The following CIB1 variants were observed in gnomAD, a reference collection of about 807,000 sequenced individuals.
CIB1 encodes calcium and integrin-binding protein 1.
CIB1 carries 19 observed loss-of-function variants against 25.0 expected under a neutral mutation model. That is an observed-to-expected ratio of 0.76 (90% CI 0.53 to 1.12). The LOEUF is 1.12. Among genes scored for constraint, CIB1 ranks in the 50% most tolerant of loss-of-function variants. CIB1 has a pLI of 0.00. For synonymous variants in CIB1, 104 were observed against 98.5 expected (o/e 1.06, Z -0.33); for missense variants, 236 against 242.6 (o/e 0.97, Z 0.18).
At chr15:90,256,587 T>C in the CIB1 span, among the ~76,000 whole-genome samples, 668 of 35,370 alleles carry the variant, frequency 0.019, 13 homozygotes, top group East Asian at 0.061. Flanking sequence ...CTTTCTTTCT[T>C]TCTTTCTTTC....
At chr15:90,247,771 T>C in the CIB1 span, among the ~76,000 whole-genome samples, 1 of 151,128 alleles carries the variant, frequency 6.6e-6, no homozygotes, top group East Asian at 1.9e-4. Context: ...AGACTCCCTC[T>C]GTCGCCCAGG....
upstream of CIB1, chr15:90,236,078 G>T (rs1364064926): frequency 6.6e-6 from 1 of 152,014 alleles, no homozygotes; most frequent in Non-Finnish European, 1.5e-5. Context: ...CACTCCTGTT[G>T]CCCAGGCTGG....
chr15:90,256,916 G>A, the CIB1 span, among the ~76,000 whole-genome samples: 1 of 152,006 alleles, frequency 6.6e-6, no homozygotes, highest in Non-Finnish European at 1.5e-5. Context: ...TTGAACTCCT[G>A]AACTCGTGAT....
At chr15:90,240,040 A>T in the CIB1 span, among the ~76,000 whole-genome samples, 16 of 151,414 alleles carry the variant, frequency 1.1e-4, no homozygotes, top group African/African-American at 3.9e-4. Context: ...CCAGACCAAC[A>T]TGGTGAAACC....
the CIB1 span, among the ~76,000 whole-genome samples, chr15:90,264,473 T>C: frequency 3.5e-4 from 54 of 152,158 alleles, no homozygotes; most frequent in Non-Finnish European, 6.2e-4. Context: ...ACCAGGCCTA[T>C]TTAATCCTTT....
At chr15:90,262,305 T>C in the CIB1 span, 2 of 1,242,410 alleles carry the variant, frequency 1.6e-6, no homozygotes, top group East Asian at 2.6e-5. Flanking sequence ...AATGGAGCTA[T>C]AAATCCTATC....
chr15:90,259,528 T>C, the CIB1 span, among the ~76,000 whole-genome samples: 2 of 152,228 alleles, frequency 1.3e-5, no homozygotes, highest in Non-Finnish European at 2.9e-5. Flanking sequence ...CATATGTATA[T>C]AGTACGCATT....
At chr15:90,239,675 A>G in the CIB1 span, among the ~76,000 whole-genome samples, 13 of 152,316 alleles carry the variant, frequency 8.5e-5, no homozygotes, top group African/African-American at 3.1e-4. Context: ...ACAAGATGAA[A>G]TTTGGGTGGA....
the CIB1 span, chr15:90,258,613 C>T: frequency 2.6e-6 from 2 of 782,598 alleles, no homozygotes; most frequent in South Asian, 1.7e-5. Context: ...CCTTGGAAGC[C>T]AGAGCATCCA....
the CIB1 span, among the ~76,000 whole-genome samples, chr15:90,264,559 A>AAAAGACATACCAT: frequency 1.3e-5 from 2 of 152,210 alleles, no homozygotes; most frequent in Non-Finnish European, 2.9e-5. Flanking sequence ...AACATGGACA[A>AAAAGACATACCAT]AAAGACATAC....
chr15:90,242,253 C>CTT, the CIB1 span: 10 of 89,300 alleles, frequency 1.1e-4, no homozygotes, highest in African/African-American at 1.4e-4. Flanking sequence ...ACACACCTGG[C>CTT]TTTTTTTTTT....
the CIB1 span, among the ~76,000 whole-genome samples, chr15:90,253,931 G>C: frequency 1.3e-5 from 2 of 152,244 alleles, no homozygotes; most frequent in African/African-American, 4.8e-5. Flanking sequence ...AGCCAGGCAG[G>C]AAGTTGAGGA....
the CIB1 span, chr15:90,241,783 C>T: frequency 8.1e-6 from 13 of 1,614,232 alleles, no homozygotes; most frequent in Non-Finnish European, 1.1e-5. Flanking sequence ...TTGTTTGTCA[C>T]CCGGGGAGCT....
the CIB1 span, chr15:90,256,252 G>A: frequency 1.5e-5 from 24 of 1,614,102 alleles, no homozygotes; most frequent in Non-Finnish European, 1.9e-5. Flanking sequence ...ATCCCCGGGA[G>A]ATCAAGCCAG....
the CIB1 span, chr15:90,265,587 C>T: frequency 1.4e-6 from 2 of 1,410,714 alleles, no homozygotes; most frequent in South Asian, 1.3e-5. Context: ...ATCTTACCCC[C>T]ACCAAGTGAA....
the CIB1 span, among the ~76,000 whole-genome samples, chr15:90,256,581 C>T: frequency 2.8e-5 from 1 of 35,696 alleles, no homozygotes; most frequent in African/African-American, 1.1e-4. Flanking sequence ...TTCTTTCTTT[C>T]TTTCTTTCTT....
chr15:90,240,851 C>A, the CIB1 span: 1 of 1,121,076 alleles, frequency 8.9e-7, no homozygotes, highest in Non-Finnish European at 1.3e-6. Context: ...ATGACAATCT[C>A]TGGAGGTGGG....
chr15:90,259,779 A>G, the CIB1 span, among the ~76,000 whole-genome samples: 1 of 152,248 alleles, frequency 6.6e-6, no homozygotes, highest in Non-Finnish European at 1.5e-5. Flanking sequence ...ATTCAATAAT[A>G]GAGAATCGTT....
chr15:90,262,724 T>C, the CIB1 span: 1 of 1,410,496 alleles, frequency 7.1e-7, no homozygotes, highest in East Asian at 2.5e-5. Context: ...TTGGGACAAC[T>C]AGATAGGGGA....
Sources: allele counts gnomAD v4.1 joint callset (sites outside exome capture counted in the v4.1 genomes callset), GRCh38; gene constraint gnomAD v4.1.1; transcripts MANE v1.5; gene names NCBI Gene and HGNC (gene_info 2026-07-23, HGNC 2026-07-21).